The following HIPK3 variants were observed in gnomAD, a reference collection of about 807,000 sequenced individuals.
HIPK3 encodes homeodomain-interacting protein kinase 3.
Under a neutral mutation model 124.2 loss-of-function variants are expected in HIPK3, and 47 were observed. That is an observed-to-expected ratio of 0.38 (90% CI 0.30 to 0.48). The LOEUF is 0.48. Among genes scored for constraint, HIPK3 ranks in the 20% least tolerant of loss-of-function variants. HIPK3 has a pLI of 0.98. For missense variants in HIPK3, 1,286 were observed against 1,454.3 expected (o/e 0.88, Z 1.88); for synonymous variants, 482 against 515.2 (o/e 0.94, Z 0.87).
chr11:33,304,084 G>A (rs266451), intron 2 of HIPK3, among the ~76,000 whole-genome samples: 2,039 of 152,174 alleles, frequency 0.013, 49 homozygotes, highest in African/African-American at 0.046. Context: ...GGGACTACAG[G>A]CGTGCACCAG....
chr11:33,283,797 C>A (rs748301115), intron 1 of HIPK3, among the ~76,000 whole-genome samples: 8 of 151,960 alleles, frequency 5.3e-5, no homozygotes, highest in Non-Finnish European at 8.8e-5. Flanking sequence ...GCCTCAGCCT[C>A]TCCAGTGGCT....
chr11:33,286,264 T>C, intron 1 of HIPK3, 149 bp from the exon 2 acceptor site: 1 of 719,194 alleles, frequency 1.4e-6, no homozygotes, highest in Non-Finnish European at 2.1e-6. Flanking sequence ...GAAAAAATCA[T>C]CTTCATGGAA....
intron 8 of HIPK3, among the ~76,000 whole-genome samples, chr11:33,342,102 CAA>C (rs58073130): frequency 4.7e-4 from 26 of 55,570 alleles, no homozygotes; most frequent in African/African-American, 9.1e-4. Context: ...GACTCTGTCT[CAA>C]AAAAAAAAAA....
intron 1 of HIPK3, among the ~76,000 whole-genome samples, chr11:33,260,782 A>C (rs937436310): frequency 3.8e-4 from 58 of 152,110 alleles, no homozygotes; most frequent in Admixed American, 3.7e-3. Context: ...GTTATTCCTG[A>C]CTCTTAACTC....
chr11:33,329,815 G>A (rs1002624940), intron 3 of HIPK3, among the ~76,000 whole-genome samples: 5 of 152,308 alleles, frequency 3.3e-5, no homozygotes, highest in African/African-American at 1.2e-4. Flanking sequence ...TTGAATCAGA[G>A]TCCCATAATC....
In HIPK3 at chr11:33,339,366, AT is replaced by A; in HGVS notation, c.1448del (p.Leu483TrpfsTer20). 6.2e-7 allele frequency: 1 copy of A among 1,613,060 alleles called. No individual in the cohort carries two copies. The highest frequency in any genetic ancestry group is 8.5e-7 in the Non-Finnish European group (1 of 1,179,294). The part of the protein sequence containing the change: ...DDVAHVNTVM[D>X]LEGSDLLAEK... ...TTTTCTTAGGTGAACACAGTGATGG[AT>A]TTGGAAGGAAGTGATCTTTTGGCTG... On this transcript the variant is annotated frameshift_variant, in exon 6 of 17. Coordinates refer to ENST00000303296, the MANE Select transcript of HIPK3 (RefSeq NM_005734.5). LOFTEE classifies it high-confidence loss of function.
Position 33,257,439 on chromosome 11 carries a change from G to A in HIPK3, c.-453G>A, listed in dbSNP as rs1177867834. ...CGCGGCGACCTGAGGAGATCAAGCC[G>A]CAGGCCCCGCCGTCGCCACCACTCC... On this transcript the variant is annotated 5_prime_UTR_variant, in exon 1 of 17. Coordinates refer to ENST00000303296, the MANE Select transcript of HIPK3 (RefSeq NM_005734.5). 2.0e-6 allele frequency: 2 copies of A among 985,432 alleles called. No individual in the cohort carries two copies. Among genetic ancestry groups the A allele is most frequent in the Non-Finnish European group, 2.4e-6 (2 of 830,134 alleles). 61.0% of individuals were successfully genotyped at this position (985,432 alleles called of 1,614,324 possible).
At chr11:33,257,282 C>G, upstream of HIPK3, 1 of 983,364 alleles carries the variant, frequency 1.0e-6, no homozygotes, top group Non-Finnish European at 1.2e-6. Context: ...GCGGAGCCGC[C>G]CGGGCTGGGC....
chr11:33,308,303 GAT>G (rs1161778211), intron 2 of HIPK3, among the ~76,000 whole-genome samples: 1 of 152,068 alleles, frequency 6.6e-6, no homozygotes, highest in African/African-American at 2.4e-5. Context: ...TACCATAACT[GAT>G]AGTGTAAATC....
intron 2 of HIPK3, among the ~76,000 whole-genome samples, chr11:33,317,274 ATTTTTTTTTTT>A (rs3028961): frequency 3.9e-5 from 4 of 102,220 alleles, no homozygotes; most frequent in Non-Finnish European, 7.3e-5. Flanking sequence ...GCCTGGCCCT[ATTTTTTTTTTT>A]TTTTTTTTTG....
Position 33,353,280 on chromosome 11 carries a change from A to G in HIPK3, c.3360A>G (p.Pro1120=), listed in dbSNP as rs1004807606. The change falls in exon 17 of 17, where the codon CCA becomes CCG. Residue 1120 remains proline, a synonymous_variant. Transcript: ENST00000303296. ...TCGGAGGACAGCCTACTCTACTTCC[A>G]TACCCATCATCAGCCACCCTCAGTA... ...THLGGQPTLL[P]YPSSATLSSA... 7 of 1,614,018 alleles carry G rather than the reference A, an allele frequency of 4.3e-6. No individual in the cohort carries two copies. In the African/African-American group the frequency reaches 8.0e-5, roughly 18 times the overall value.
At chr11:33,265,983 C>G (rs1850949502) in intron 1 of HIPK3, among the ~76,000 whole-genome samples, 1 of 145,518 alleles carries the variant, frequency 6.9e-6, no homozygotes, top group Non-Finnish European at 1.5e-5. Context: ...ACTCGGGAGG[C>G]TGAGGCAGGA....
chr11:33,309,873 ATG>A (rs1344474257), intron 2 of HIPK3, among the ~76,000 whole-genome samples: 8 of 152,192 alleles, frequency 5.3e-5, no homozygotes, highest in Non-Finnish European at 1.0e-4. Flanking sequence ...AATTTTATAT[ATG>A]GTGAGATGTA....
intron 2 of HIPK3, among the ~76,000 whole-genome samples, chr11:33,288,042 T>C (rs4237680): frequency 0.67 from 101,181 of 152,034 alleles, 33,946 homozygotes; most frequent in Non-Finnish European, 0.72. Context: ...ACCCCCAAAT[T>C]TGAAAATTCG....
intron 2 of HIPK3, among the ~76,000 whole-genome samples, chr11:33,287,761 A>G (rs915651301): frequency 1.3e-5 from 2 of 152,190 alleles, no homozygotes; most frequent in African/African-American, 4.8e-5. Flanking sequence ...TTAATGGAAG[A>G]CTTGAAGGAA....
intron 2 of HIPK3, among the ~76,000 whole-genome samples, chr11:33,314,695 A>G (rs182760721): frequency 1.3e-5 from 2 of 152,266 alleles, no homozygotes; most frequent in Admixed American, 1.3e-4. Flanking sequence ...AGCTGACTCT[A>G]ATAAGTACTC....
chr11:33,307,839 C>A (rs1271897208), intron 2 of HIPK3, among the ~76,000 whole-genome samples: 3 of 151,362 alleles, frequency 2.0e-5, no homozygotes, highest in Non-Finnish European at 2.9e-5. Flanking sequence ...GGGAAAATAC[C>A]TTCAATTTTA....
chr11:33,263,659 G>A (rs2133863461), intron 1 of HIPK3, among the ~76,000 whole-genome samples: 1 of 152,302 alleles, frequency 6.6e-6, no homozygotes, highest in East Asian at 1.9e-4. Flanking sequence ...AGTTCACTTA[G>A]TGAAAAATTG....
chr11:33,340,511 A>T (rs1190036243), intron 6 of HIPK3, among the ~76,000 whole-genome samples: 1 of 152,246 alleles, frequency 6.6e-6, no homozygotes, highest in African/African-American at 2.4e-5. Flanking sequence ...AATATTTATC[A>T]TTGTGAATTG....
Sources: gnomAD v4.1 joint callset for allele counts (sites outside exome capture counted in the v4.1 genomes callset) on GRCh38, gnomAD v4.1.1 for gene constraint, MANE v1.5 for transcripts, NCBI Gene and HGNC (gene_info 2026-07-23, HGNC 2026-07-21) for gene names.